The following SLC7A10 variants were observed in gnomAD, a reference collection of about 807,000 sequenced individuals.
The protein encoded by SLC7A10 is solute carrier family 7 member 10.
In SLC7A10, 30 loss-of-function variants were observed where a neutral mutation model predicts 52.7. The ratio of observed to expected loss-of-function variants is 0.57; its 90% CI spans 0.43 to 0.77. The LOEUF (loss-of-function observed/expected upper bound fraction) is 0.77, where lower values mean the gene tolerates loss of function less well. Ranked by LOEUF, SLC7A10 falls within the 30% of genes least tolerant of loss-of-function variation. The probability of loss-of-function intolerance (pLI) is 0.00; values close to 1 mark genes in which losing one functional copy is unlikely to be tolerated. For synonymous variants in SLC7A10, 318 were observed against 314.9 expected (o/e 1.01, Z -0.10); for missense variants, 581 against 698.5 (o/e 0.83, Z 1.90).
intron 1 of SLC7A10, among the ~76,000 whole-genome samples, chr19:33,224,443 G>A (rs2145497276): frequency 6.6e-6 from 1 of 152,258 alleles, no homozygotes; most frequent in African/African-American, 2.4e-5. Flanking sequence ...GGCAACTCTG[G>A]ATGTGAAGAG....
Position 33,210,621 on chromosome 19 carries a change from G to C in SLC7A10, c.1114-5C>G. 6.2e-7 allele frequency: 1 copy of C among 1,611,288 alleles called. No homozygotes were observed. Reference sequence around the variant, plus strand: ...GATGACGGCTGTGGCCCCGCACTGGGAGAGGACCTGGGGCTGACGGCTGGC... The same window carrying C: ...GATGACGGCTGTGGCCCCGCACTGGCAGAGGACCTGGGGCTGACGGCTGGC... On this transcript the variant is annotated splice_polypyrimidine_tract_variant and splice_region_variant and intron_variant, in intron 8 of 10. Coordinates refer to ENST00000253188, the MANE Select transcript of SLC7A10 (RefSeq NM_019849.3). This position sits in a 1 kb window ranked among gnomAD's most constrained non-coding sequence, Gnocchi z 5.6.
chr19:33,222,995 C>T (rs537959069), intron 1 of SLC7A10, among the ~76,000 whole-genome samples: 65 of 152,252 alleles, frequency 4.3e-4, no homozygotes, highest in African/African-American at 1.4e-3. Context: ...ATAACAATAA[C>T]AAACCAAGGT....
In SLC7A10 at chr19:33,210,333, C is replaced by G; in HGVS notation, c.1263+134G>C. 8.8e-7 allele frequency: 1 copy of G among 1,133,568 alleles called. No homozygotes were observed. Among genetic ancestry groups the G allele is most frequent in the Middle Eastern group, 2.9e-4 (1 of 3,508 alleles). The allele number at this position is 1,133,568 out of a possible 1,614,324, so 70.2% of individuals were successfully genotyped here. On this transcript the variant is annotated intron_variant, in intron 9 of 10. Transcript: ENST00000253188. This position sits in a 1 kb window ranked among gnomAD's most constrained non-coding sequence, Gnocchi z 5.6. ...TATGAGGAATGGCTGCCTCAGTGCA[C>G]AGAGAGCCCTGAGCAGGGCCCAACA...
chr19:33,210,372 G>C lies in SLC7A10; in HGVS notation c.1263+95C>G. On this transcript the variant is annotated intron_variant, in intron 9 of 10. Transcript: ENST00000253188. The surrounding 1 kb of genome is among the most constrained non-coding windows in gnomAD (Gnocchi z 5.6). ...CAGGGCCCAACACTCCACAAAAGCTGGCACCTCCCATCCCACCTGCCCCTG... is the reference window on the plus strand; with the variant it reads ...CAGGGCCCAACACTCCACAAAAGCTCGCACCTCCCATCCCACCTGCCCCTG... The C allele has an allele frequency of 6.8e-7, 1 of 1,473,442 alleles. No individual in the cohort carries two copies. The highest frequency in any genetic ancestry group is 9.1e-7 in the Non-Finnish European group (1 of 1,094,768). The allele number at this position is 1,473,442 out of a possible 1,614,324, so 91.3% of individuals were successfully genotyped here.
In SLC7A10 at chr19:33,215,967, A is replaced by T; in HGVS notation, c.158T>A (p.Ile53Asn). ...LSACTIIIGN[I>N]IGSGIFISPK... The stretch of plus-strand genomic sequence containing the variant: ...CGAGATGAAGATGCCCGAGCCGATG[A>T]TGTTCCCTGCAGGGGGAGAGATGGG... The change falls in exon 2 of 11, where the codon ATC becomes AAC. Residue 53 changes from isoleucine to asparagine, a missense_variant. By Grantham distance (149) the Ile-to-Asn change is moderately radical (BLOSUM62 -3). Transcript: ENST00000253188. 6.3e-7 allele frequency: 1 copy of T among 1,585,196 alleles called. No individual in the cohort carries two copies. Among genetic ancestry groups the T allele is most frequent in the Non-Finnish European group, 8.6e-7 (1 of 1,159,232 alleles).
chr19:33,210,330 GCA>G lies in SLC7A10; in HGVS notation c.1263+135_1263+136del. The G allele has an allele frequency of 9.1e-7, 1 of 1,095,122 alleles. No homozygotes were observed. The allele number at this position is 1,095,122 out of a possible 1,614,324, so 67.8% of individuals were successfully genotyped here. ...TGCTATGAGGAATGGCTGCCTCAGTGCACAGAGAGCCCTGAGCAGGGCCCAAC... is the reference window on the plus strand; with the variant it reads ...TGCTATGAGGAATGGCTGCCTCAGTGCAGAGAGCCCTGAGCAGGGCCCAAC... On this transcript the variant is annotated intron_variant, in intron 9 of 10. Coordinates refer to ENST00000253188, the MANE Select transcript of SLC7A10 (RefSeq NM_019849.3). This position sits in a 1 kb window ranked among gnomAD's most constrained non-coding sequence, Gnocchi z 5.6.
Position 33,210,501 on chromosome 19 carries a change from C to T in SLC7A10, c.1229G>A (p.Arg410His), listed in dbSNP as rs141901025. The change falls in exon 9 of 11, where the codon CGC becomes CAC. Residue 410 changes from arginine (R) to histidine (H), a missense_variant. By Grantham distance (29) the Arg-to-His change is conservative. Transcript: ENST00000253188. The surrounding 1 kb of genome is among the most constrained non-coding windows in gnomAD (Gnocchi z 5.6). Reference sequence around the variant, plus strand: ...CCTGTGGAGTGCAGGCCGCCTCCAGCGCAGCAGCAGCAGGCCCAGGATGGT... The same window carrying T: ...CCTGTGGAGTGCAGGCCGCCTCCAGTGCAGCAGCAGCAGGCCCAGGATGGT... ...GVTILGLLLL[R>H]WRRPALHRPI... 91 of 1,607,164 alleles carry T rather than the reference C, an allele frequency of 5.7e-5. No homozygotes were observed. The African/African-American group carries it at 9.2e-4, about 16-fold the overall frequency.
intron 1 of SLC7A10, 36 bp from the exon 2 acceptor site, chr19:33,216,009 G>A (rs1462436283): frequency 4.0e-6 from 6 of 1,518,978 alleles, no homozygotes; most frequent in Non-Finnish European, 5.3e-6. Flanking sequence ...TCAGGCCTGG[G>A]GTCCCCTTCG....
In SLC7A10 at chr19:33,211,449, G is replaced by A; in HGVS notation, c.877C>T (p.Pro293Ser). The change falls in exon 6 of 11, where the codon CCC becomes TCC. Residue 293 changes from proline (P) to serine (S), a missense_variant. Pro to Ser is a moderately conservative substitution (Grantham distance 74, BLOSUM62 -1). Transcript: ENST00000253188. ...GCATTGGAGGAGAGCAGCTCCTGGG[G>A]GGACATGGCCGTGAAGTAGGCAATG... ...TNIAYFTAMSPQELLSSNAVA... is the reference protein window; with the variant it reads ...TNIAYFTAMSSQELLSSNAVA... 1 of 1,614,118 alleles carries A rather than the reference G, an allele frequency of 6.2e-7. No individual in the cohort carries two copies. The highest frequency in any genetic ancestry group is 1.3e-5 in the African/African-American group (1 of 75,060).
intron 2 of SLC7A10, among the ~76,000 whole-genome samples, chr19:33,215,401 A>C (rs1031514418): frequency 4.6e-5 from 7 of 152,172 alleles, no homozygotes; most frequent in African/African-American, 1.7e-4. Flanking sequence ...CACATTACCT[A>C]GGGTTTTCAG....
intron 1 of SLC7A10, 120 bp downstream of exon 1, chr19:33,225,433 G>T: frequency 7.9e-7 from 1 of 1,257,972 alleles, no homozygotes; most frequent in Non-Finnish European, 1.1e-6. Flanking sequence ...TCTGAGGCCA[G>T]ACTGCAGGTT....
intron 2 of SLC7A10, among the ~76,000 whole-genome samples, chr19:33,213,445 T>C (rs917430485): frequency 6.6e-6 from 1 of 152,072 alleles, no homozygotes; most frequent in Non-Finnish European, 1.5e-5. Context: ...CCTGCCACCA[T>C]GCCTGGCAAA....
chr19:33,211,819 G>T, intron 5 of SLC7A10: 1 of 525,580 alleles, frequency 1.9e-6, no homozygotes, highest in Non-Finnish European at 3.4e-6. Context: ...ATCGCATACA[G>T]CCAAAATCAG....
chr19:33,219,036 G>A lies in SLC7A10; in HGVS notation c.152-3063C>T, dbSNP rs150107636. On this transcript the variant is annotated intron_variant, in intron 1 of 10. Transcript: ENST00000253188. ...GGCACGGGATGGGCCTGGAGATACC[G>A]CTGAGCCCCTGTTGGGTGTCTGACC... Among the ~76,000 whole-genome samples the A allele has an allele frequency of 3.1e-3, 479 of 152,118 alleles. 2 individuals carry two copies. Among genetic ancestry groups the A allele is most frequent in the African/African-American group, 0.011 (459 of 41,514 alleles).
chr19:33,213,726 C>T (rs2145478122), intron 2 of SLC7A10, among the ~76,000 whole-genome samples: 1 of 152,338 alleles, frequency 6.6e-6, no homozygotes, highest in South Asian at 2.1e-4. Flanking sequence ...TGACTCTGAG[C>T]TGTGTTCCCC....
chr19:33,223,467 G>C (rs908449966), intron 1 of SLC7A10, among the ~76,000 whole-genome samples: 1 of 152,048 alleles, frequency 6.6e-6, no homozygotes, highest in Non-Finnish European at 1.5e-5. Context: ...AGCCCACCTG[G>C]GGCAGAAAGG....
chr19:33,212,977 G>A lies in SLC7A10; in HGVS notation c.382C>T (p.Leu128Phe), dbSNP rs745762505. 7.4e-6 allele frequency: 12 copies of A among 1,612,800 alleles called. No individual in the cohort carries two copies. Among genetic ancestry groups the A allele is most frequent in the Non-Finnish European group, 1.0e-5 (12 of 1,179,504 alleles). The change falls in exon 3 of 11, where the codon CTC becomes TTC. Residue 128 changes from leucine to phenylalanine, a missense_variant. Coordinates refer to ENST00000253188, the MANE Select transcript of SLC7A10 (RefSeq NM_019849.3). Reference sequence around the variant, plus strand: ...GCAAGGCTGGTGGGGTACATGATGAGGACGGCGCTCCAGAGCAGCAGAAAG... The same window carrying A: ...GCAAGGCTGGTGGGGTACATGATGAAGACGGCGCTCCAGAGCAGCAGAAAG... Reference protein sequence around the residue: ...AGFLLLWSAVLIMYPTSLAVI... With the variant: ...AGFLLLWSAVFIMYPTSLAVI...
intron 1 of SLC7A10, among the ~76,000 whole-genome samples, chr19:33,218,478 G>A (rs1485702495): frequency 6.6e-6 from 1 of 151,778 alleles, no homozygotes; most frequent in Non-Finnish European, 1.5e-5. Flanking sequence ...TTTGAAGGTG[G>A]CAGAAAATCG....
At chr19:33,216,549 C>A (rs1165675868) in intron 1 of SLC7A10, among the ~76,000 whole-genome samples, 1 of 152,152 alleles carries the variant, frequency 6.6e-6, no homozygotes, top group Non-Finnish European at 1.5e-5. Context: ...TCCATGAAGC[C>A]CTCCTTGACC....
Sources: gnomAD v4.1 joint callset for allele counts (sites outside exome capture counted in the v4.1 genomes callset) on GRCh38, gnomAD v4.1.1 for gene constraint, Gnocchi (gnomAD v3.1) non-coding constraint, MANE v1.5 for transcripts, NCBI Gene and HGNC (gene_info 2026-07-23, HGNC 2026-07-21) for gene names.